Variants in STAU1 observed in about 807,000 individuals in gnomAD.
STAU1 encodes staufen double-stranded RNA binding protein 1.
Under a neutral mutation model 62.9 loss-of-function variants are expected in STAU1, and 13 were observed. That is an observed-to-expected ratio of 0.21 (90% CI 0.13 to 0.33). The LOEUF is 0.33. Ranked by LOEUF, STAU1 falls within the 10% of genes least tolerant of loss-of-function variation. STAU1 has a pLI of 1.00. For synonymous variants in STAU1, 269 were observed against 265.1 expected, an observed-to-expected ratio of 1.01 and a Z score of -0.14; for missense variants, 571 against 712.1, an observed-to-expected ratio of 0.80 and a Z score of 2.25.
intron 5 of STAU1, among the ~76,000 whole-genome samples, chr20:49,148,590 A>G (rs928090755): frequency 1.3e-5 from 2 of 152,240 alleles, no homozygotes; most frequent in Non-Finnish European, 2.9e-5. Context: ...TCTGACAGGC[A>G]CGGTCTCTAC....
chr20:49,134,033 G>A (rs1463113050), intron 6 of STAU1, among the ~76,000 whole-genome samples: 3 of 152,210 alleles, frequency 2.0e-5, no homozygotes, highest in Non-Finnish European at 4.4e-5. Flanking sequence ...ATAAGCTTCA[G>A]ATAGGCTTTT....
chr20:49,205,723 A>T, the STAU1 span, among the ~76,000 whole-genome samples: 1 of 146,550 alleles, frequency 6.8e-6, no homozygotes, highest in Non-Finnish European at 1.5e-5. Context: ...CCCAGGCTGG[A>T]GTGCAATGGC....
At chr20:49,206,069 C>T in the STAU1 span, among the ~76,000 whole-genome samples, 16 of 150,820 alleles carry the variant, frequency 1.1e-4, no homozygotes, top group East Asian at 5.9e-4. Context: ...CTGTAATCTC[C>T]GCCTCCTGGG....
chr20:49,197,834 T>C, the STAU1 span, among the ~76,000 whole-genome samples: 1 of 152,236 alleles, frequency 6.6e-6, no homozygotes, highest in South Asian at 2.1e-4. Context: ...GCCTCCCAAG[T>C]AGCTGGGAAT....
chr20:49,187,117 A>G (rs973983836), intron 1 of STAU1, among the ~76,000 whole-genome samples: 2 of 152,164 alleles, frequency 1.3e-5, no homozygotes, highest in African/African-American at 4.8e-5. Context: ...TCAGAGCCCA[A>G]CACACAGCAA....
At chr20:49,161,527 G>A (rs2093448250) in intron 3 of STAU1, among the ~76,000 whole-genome samples, 1 of 152,116 alleles carries the variant, frequency 6.6e-6, no homozygotes, top group South Asian at 2.1e-4. Context: ...TTCCAGGTGG[G>A]TTATAAATGC....
intron 2 of STAU1, among the ~76,000 whole-genome samples, chr20:49,172,276 A>G (rs913579014): frequency 2.0e-5 from 3 of 152,230 alleles, no homozygotes; most frequent in African/African-American, 7.2e-5. Context: ...ATTTACCTCT[A>G]TAGCCTAAAA....
chr20:49,181,767 A>T (rs1202599496), intron 1 of STAU1, among the ~76,000 whole-genome samples: 1 of 4,002 alleles, frequency 2.5e-4, no homozygotes, highest in South Asian at 4.8e-3. Context: ...CTATCTCAAC[A>T]AAAAAAAAAA....
upstream of STAU1, among the ~76,000 whole-genome samples, chr20:49,192,967 G>A (rs147082407): frequency 6.0e-3 from 909 of 152,244 alleles, 5 homozygotes; most frequent in Middle Eastern, 0.02. Context: ...CATACTATTG[G>A]TAAAGCATTA....
chr20:49,149,318 G>A (rs1368743733), intron 5 of STAU1, among the ~76,000 whole-genome samples: 1 of 150,192 alleles, frequency 6.7e-6, no homozygotes, highest in Admixed American at 6.7e-5. Context: ...AGCAGGGAGA[G>A]ACTGTCTCAA....
chr20:49,128,729 T>C (rs1289346851), intron 6 of STAU1, among the ~76,000 whole-genome samples: 3 of 140,022 alleles, frequency 2.1e-5, no homozygotes, highest in Non-Finnish European at 3.0e-5. Context: ...AATAAAGGAC[T>C]GTCTCTTCAA....
intron 13 of STAU1, among the ~76,000 whole-genome samples, chr20:49,115,133 T>A (rs1482567976): frequency 1.3e-5 from 2 of 149,680 alleles, no homozygotes; most frequent in Non-Finnish European, 3.0e-5. Flanking sequence ...TATATTTGTA[T>A]AAAGAAACAT....
intron 1 of STAU1, among the ~76,000 whole-genome samples, chr20:49,185,183 G>T (rs2093772741): frequency 6.6e-6 from 1 of 152,194 alleles, no homozygotes; most frequent in Admixed American, 6.5e-5. Context: ...GGTAACAGCA[G>T]TATCTTTACA....
At chr20:49,176,586 A>T (rs1447416346) in intron 1 of STAU1, among the ~76,000 whole-genome samples, 1 of 152,236 alleles carries the variant, frequency 6.6e-6, no homozygotes, top group South Asian at 2.1e-4. Context: ...TTCCAGAAAT[A>T]AATCATGAGC....
chr20:49,138,430 C>A (rs530204075), intron 5 of STAU1, among the ~76,000 whole-genome samples: 2 of 152,272 alleles, frequency 1.3e-5, no homozygotes, highest in East Asian at 3.9e-4. Flanking sequence ...TCTTTCCAAT[C>A]TGGTTTCAGT....
chr20:49,170,878 C>T (rs1315572560), intron 2 of STAU1, among the ~76,000 whole-genome samples: 1 of 152,070 alleles, frequency 6.6e-6, no homozygotes, highest in Non-Finnish European at 1.5e-5. Context: ...AATGTCTCCC[C>T]TTGCAAGTCC....
At chr20:49,208,603 C>T in the STAU1 span, among the ~76,000 whole-genome samples, 1 of 151,346 alleles carries the variant, frequency 6.6e-6, no homozygotes, top group African/African-American at 2.4e-5. Flanking sequence ...CCAACCTGAG[C>T]AACATAGTGA....
At chr20:49,206,428 T>TG in the STAU1 span, among the ~76,000 whole-genome samples, 2 of 141,330 alleles carry the variant, frequency 1.4e-5, no homozygotes, top group East Asian at 2.0e-4. Context: ...TTTTTTTTTT[T>TG]TTTTTTTTTT....
intron 1 of STAU1, among the ~76,000 whole-genome samples, chr20:49,174,955 T>C (rs1289782334): frequency 4.4e-5 from 6 of 135,006 alleles, no homozygotes; most frequent in East Asian, 2.1e-4. Context: ...AAAAAAGAGA[T>C]TGAGACCACC....
Sources: allele counts gnomAD v4.1 joint callset (sites outside exome capture counted in the v4.1 genomes callset), GRCh38; gene constraint gnomAD v4.1.1; transcripts MANE v1.5; gene names NCBI Gene and HGNC (gene_info 2026-07-23, HGNC 2026-07-21).